FGFR1: variants seen among roughly 807,000 people sequenced by gnomAD.
The protein encoded by FGFR1 is FGFR1/PLAG1 fusion.
Under a neutral mutation model 93.7 loss-of-function variants are expected in FGFR1, and 18 were observed. The observed-to-expected ratio is 0.19, with a 90% CI of 0.13 to 0.28. The LOEUF is 0.28. Among genes scored for constraint, FGFR1 ranks in the 10% least tolerant of loss-of-function variants. FGFR1 has a pLI of 1.00. For synonymous variants in FGFR1, 448 were observed against 429.3 expected, an observed-to-expected ratio of 1.04 and a Z score of -0.54; for missense variants, 731 against 1,080.4, an observed-to-expected ratio of 0.68 and a Z score of 4.53.
chr8:38,412,575 C>T lies in FGFR1; in HGVS notation c.*1053G>A, dbSNP rs190347151. 7.7e-5 allele frequency: 18 copies of T among 233,520 alleles called. No homozygotes were observed. Among genetic ancestry groups the T allele is most frequent in the South Asian group, 3.6e-4 (2 of 5,538 alleles). 14.5% of individuals were successfully genotyped at this position (233,520 alleles called of 1,614,324 possible). On this transcript the variant is annotated 3_prime_UTR_variant, in exon 18 of 18. Transcript: ENST00000447712. ...AGCAGCGGAGAGGCAGGAGGTGCGT[C>T]GTGAGGTCTGGGTGCAGGACCTAGG...
At chr8:38,461,485 A>G (rs1221393441) in intron 1 of FGFR1, among the ~76,000 whole-genome samples, 1 of 151,970 alleles carries the variant, frequency 6.6e-6, no homozygotes, top group Non-Finnish European at 1.5e-5. Context: ...TTTTCTGTAT[A>G]TTTAATAAAA....
chr8:38,461,315 A>G, intron 1 of FGFR1: 1 of 590,782 alleles, frequency 1.7e-6, no homozygotes, highest in South Asian at 2.2e-5. Context: ...AAGGAAAACT[A>G]GCTGACGAAT....
At chr8:38,448,296 T>G (rs1586650285) in intron 2 of FGFR1, among the ~76,000 whole-genome samples, 1 of 152,022 alleles carries the variant, frequency 6.6e-6, no homozygotes, top group East Asian at 1.9e-4. Context: ...TTTTTTTTTT[T>G]TGAGACGGAG....
chr8:38,444,121 A>G (rs930354501), intron 2 of FGFR1, among the ~76,000 whole-genome samples: 3 of 151,580 alleles, frequency 2.0e-5, no homozygotes, highest in African/African-American at 7.3e-5. Context: ...TTTATTAAAA[A>G]CGTTCTTACT....
In FGFR1 at chr8:38,424,388, C is replaced by T; in HGVS notation, c.936+121G>A. 9.8e-7 allele frequency: 1 copy of T among 1,024,414 alleles called. No homozygotes were observed. The allele number at this position is 1,024,414 out of a possible 1,614,324, so 63.5% of individuals were successfully genotyped here. Reference sequence around the variant, plus strand: ...TCCCTACTGAGATGGAGTGTGTGTGCCTGAAGCGTGAGGAATGATCCCATT... The same window carrying T: ...TCCCTACTGAGATGGAGTGTGTGTGTCTGAAGCGTGAGGAATGATCCCATT... On this transcript the variant is annotated intron_variant, in intron 7 of 17. Coordinates refer to ENST00000447712, the MANE Select transcript of FGFR1 (RefSeq NM_023110.3). This position sits in a 1 kb window ranked among gnomAD's most constrained non-coding sequence, Gnocchi z 4.3.
intron 2 of FGFR1, among the ~76,000 whole-genome samples, chr8:38,452,908 T>C (rs1014201762): frequency 6.6e-6 from 1 of 151,986 alleles, no homozygotes; most frequent in African/African-American, 2.4e-5. Context: ...ACCCAGGAGG[T>C]GGAGGTTGCA....
rs1406185001 is a variant in FGFR1 at position 38,468,618 on chromosome 8, G to A, written c.-726C>T. On this transcript the variant is annotated 5_prime_UTR_variant, in exon 1 of 18. Coordinates refer to ENST00000447712, the MANE Select transcript of FGFR1 (RefSeq NM_023110.3). ...GGACGCCGCGCCTGTGGCCGCAAGA[G>A]CGCTCCGAGCGCTATGCGCCGGCGG... is the stretch of plus-strand genomic sequence containing the variant. 4.3e-6 allele frequency: 1 copy of A among 230,478 alleles called. No homozygotes were observed. The allele number at this position is 230,478 out of a possible 1,614,324, so 14.3% of individuals were successfully genotyped here.
At position 38,448,175 on chromosome 8, in the gene FGFR1, T is replaced by G. The variant is rs1051487151; in HGVS notation, c.91+9181A>C. 1.3e-5 allele frequency among the ~76,000 whole-genome samples: 2 copies of G among 152,224 alleles called. 1 individual carries two copies. Among genetic ancestry groups the G allele is most frequent in the Middle Eastern group, 6.3e-3 (2 of 316 alleles). On this transcript the variant is annotated intron_variant, in intron 2 of 17. Transcript: ENST00000447712. ...AAACAATAAATTCAGTTAACAGTGATTGCTTTTGAATGATGGAATTATAGG... is the reference window on the plus strand; with the variant it reads ...AAACAATAAATTCAGTTAACAGTGAGTGCTTTTGAATGATGGAATTATAGG...
At chr8:38,417,790 G>A (rs2150643065) in intron 11 of FGFR1, 80 bp downstream of exon 11, 1 of 1,602,324 alleles carries the variant, frequency 6.2e-7, no homozygotes, top group South Asian at 1.1e-5. Flanking sequence ...CACCAGAGAA[G>A]CTGTTCTGCT....
chr8:38,430,049 G>A (rs922762221), intron 2 of FGFR1, 101 bp from the exon 3 acceptor site: 20 of 1,198,866 alleles, frequency 1.7e-5, no homozygotes, highest in South Asian at 1.5e-4. Flanking sequence ...CTGGCCACAC[G>A]GAGCCGCACC....
At chr8:38,450,959 C>G (rs1830877562) in intron 2 of FGFR1, among the ~76,000 whole-genome samples, 1 of 152,098 alleles carries the variant, frequency 6.6e-6, no homozygotes, top group African/African-American at 2.4e-5. Flanking sequence ...TCCTCCCTGT[C>G]CAGCTCTGAA....
At position 38,421,867 on chromosome 8, in the gene FGFR1, C is replaced by T. The variant is rs751450359; in HGVS notation, c.1011G>A (p.Gly337=). The T allele has an allele frequency of 7.4e-6, 12 of 1,613,962 alleles. No individual in the cohort carries two copies. The highest frequency in any genetic ancestry group is 2.7e-5 in the African/African-American group (2 of 74,880). The change falls in exon 8 of 18, where the codon GGG becomes GGA. Residue 337 remains glycine, a synonymous_variant. Transcript: ENST00000447712. The part of the protein sequence containing the change: ...HLRNVSFEDA[G]EYTCLAGNSI... The stretch of plus-strand genomic sequence containing the variant: ...AGTTACCCGCCAAGCACGTATACTC[C>T]CCTGCGTCCTCAAAGGAGACATTTC...
At chr8:38,419,004 A>C (rs550510141) in intron 9 of FGFR1, among the ~76,000 whole-genome samples, 38 of 152,294 alleles carry the variant, frequency 2.5e-4, no homozygotes, top group African/African-American at 8.7e-4. Context: ...TGATTTTATA[A>C]AGGGGAGTTT....
intron 6 of FGFR1, chr8:38,425,844 T>C (rs1820575284): frequency 4.1e-6 from 2 of 488,264 alleles, no homozygotes; most frequent in South Asian, 2.0e-5. Context: ...ATTTAACACC[T>C]CTCCAACAAC....
chr8:38,466,961 C>G (rs535706523), intron 1 of FGFR1, among the ~76,000 whole-genome samples: 9 of 151,042 alleles, frequency 6.0e-5, no homozygotes, highest in Admixed American at 4.6e-4. Flanking sequence ...TCTATATGAA[C>G]CCCCATCTAC....
intron 1 of FGFR1, chr8:38,466,702 G>C (rs898320923): frequency 4.1e-5 from 9 of 221,860 alleles, no homozygotes; most frequent in African/African-American, 1.8e-4. Context: ...ATTTGGGGGA[G>C]GGGGAGGGGA....
At chr8:38,452,179 C>T (rs907509948) in intron 2 of FGFR1, among the ~76,000 whole-genome samples, 5 of 141,612 alleles carry the variant, frequency 3.5e-5, no homozygotes, top group Admixed American at 7.5e-5. Context: ...GAGGGGCTCC[C>T]GACAGACACA....
At chr8:38,437,546 G>A (rs927009543) in intron 2 of FGFR1, among the ~76,000 whole-genome samples, 6 of 152,142 alleles carry the variant, frequency 3.9e-5, no homozygotes, top group African/African-American at 7.2e-5. Flanking sequence ...CAAAATGACG[G>A]GGAAGGGAAA....
intron 9 of FGFR1, 79 bp from the exon 10 acceptor site, chr8:38,418,452 C>G: frequency 1.3e-6 from 2 of 1,483,458 alleles, no homozygotes; most frequent in Admixed American, 3.9e-5. Flanking sequence ...CAGGGCTTCC[C>G]AACAATGGCA....
Sources: allele counts gnomAD v4.1 joint callset (sites outside exome capture counted in the v4.1 genomes callset), GRCh38; gene constraint gnomAD v4.1.1; non-coding constraint Gnocchi (gnomAD v3.1); transcripts MANE v1.5; gene names NCBI Gene and HGNC (gene_info 2026-07-23, HGNC 2026-07-21).